Variants in ZNF385D observed in about 807,000 individuals in gnomAD.
ZNF385D encodes the protein zinc finger protein 385D.
ZNF385D carries 15 observed loss-of-function variants against 35.8 expected under a neutral mutation model. That is an observed-to-expected ratio of 0.42 (90% CI 0.28 to 0.64). ZNF385D has a LOEUF of 0.64. ZNF385D is among the 30% of genes least tolerant of loss of function. The pLI, the probability that ZNF385D is intolerant of heterozygous loss-of-function variation, is 0.23. For synonymous variants in ZNF385D, 212 were observed against 186.8 expected (o/e 1.13, Z -1.10); for missense variants, 474 against 494.6 (o/e 0.96, Z 0.39).
chr3:22,353,107 T>G (rs900006534), intron 2 of ZNF385D, among the ~76,000 whole-genome samples: 3 of 152,204 alleles, frequency 2.0e-5, no homozygotes, highest in Non-Finnish European at 4.4e-5. Context: ...AAGCTGCGTT[T>G]GTTACATCCT....
chr3:21,836,112 T>G (rs2670281), intron 3 of ZNF385D, among the ~76,000 whole-genome samples: 135,530 of 151,992 alleles, frequency 0.89, 60,675 homozygotes, highest in African/African-American at 0.96. Context: ...TTGCAGATTA[T>G]GGAAGCAAAT....
At chr3:21,750,421 C>A (rs1299638264) in intron 1 of ZNF385D, among the ~76,000 whole-genome samples, 1 of 152,212 alleles carries the variant, frequency 6.6e-6, no homozygotes, top group African/African-American at 2.4e-5. Context: ...AGCTGCTCAA[C>A]CACACTGCTC....
intron 3 of ZNF385D, among the ~76,000 whole-genome samples, chr3:21,760,952 T>C (rs1480536702): frequency 1.3e-5 from 2 of 152,196 alleles, no homozygotes; most frequent in Middle Eastern, 3.2e-3. Context: ...CAGTAGAACA[T>C]TATGAAATGA....
intron 4 of ZNF385D, among the ~76,000 whole-genome samples, chr3:21,442,782 G>C (rs1701927460): frequency 6.6e-6 from 1 of 151,958 alleles, no homozygotes; most frequent in African/African-American, 2.4e-5. Context: ...CCAAAGGCCA[G>C]AGTACAGAGG....
At chr3:22,372,088 C>G (rs1300361543) in intron 2 of ZNF385D, among the ~76,000 whole-genome samples, 1 of 152,092 alleles carries the variant, frequency 6.6e-6, no homozygotes, top group Non-Finnish European at 1.5e-5. Flanking sequence ...GTGGCCCAGC[C>G]CTCGACTCTG....
intron 3 of ZNF385D, among the ~76,000 whole-genome samples, chr3:22,131,994 C>G (rs971868939): frequency 6.6e-6 from 1 of 152,126 alleles, no homozygotes; most frequent in Non-Finnish European, 1.5e-5. Context: ...TGTAGGGGTG[C>G]AGGCCTGAAG....
At chr3:22,147,057 A>G (rs557754697) in intron 3 of ZNF385D, among the ~76,000 whole-genome samples, 81 of 152,336 alleles carry the variant, frequency 5.3e-4, no homozygotes, top group Non-Finnish European at 9.6e-4. Flanking sequence ...GAGTTACCCA[A>G]TTAAAGGTAT....
chr3:22,119,325 G>A lies in ZNF385D; in HGVS notation c.325+49492C>T, dbSNP rs370582876. 6.6e-5 allele frequency among the ~76,000 whole-genome samples: 10 copies of A among 152,258 alleles called. No homozygotes were observed. In the East Asian group the frequency reaches 7.7e-4, roughly 12 times the overall value. On this transcript the variant is annotated intron_variant, in intron 3 of 5. Transcript: ENST00000494108. ...AAATACAAGGCATTGACTTATGTCC[G>A]AGGCCAAATCTGTAAAATCATATCT...
intron 2 of ZNF385D, among the ~76,000 whole-genome samples, chr3:22,297,345 T>C (rs1379917514): frequency 1.3e-5 from 2 of 152,112 alleles, no homozygotes; most frequent in African/African-American, 4.8e-5. Flanking sequence ...AAGCTATCTT[T>C]TGGCCAGACC....
intron 3 of ZNF385D, among the ~76,000 whole-genome samples, chr3:21,791,795 C>A (rs918237947): frequency 6.6e-6 from 1 of 152,138 alleles, no homozygotes; most frequent in Admixed American, 6.5e-5. Flanking sequence ...AGTGTAGTGG[C>A]GCGATCTCGG....
chr3:22,095,043 G>A (rs1576310023), intron 3 of ZNF385D, among the ~76,000 whole-genome samples: 1 of 150,890 alleles, frequency 6.6e-6, no homozygotes, highest in South Asian at 2.1e-4. Context: ...CAACAGTTAG[G>A]ACTACAGACA....
intron 3 of ZNF385D, among the ~76,000 whole-genome samples, chr3:21,949,647 G>T (rs1469102169): frequency 6.7e-6 from 1 of 149,376 alleles, no homozygotes; most frequent in East Asian, 2.0e-4. Context: ...ACTGTGGTTT[G>T]CTGCACCCAT....
At chr3:22,142,162 T>C (rs1351850230) in intron 3 of ZNF385D, among the ~76,000 whole-genome samples, 1 of 152,216 alleles carries the variant, frequency 6.6e-6, no homozygotes, top group Non-Finnish European at 1.5e-5. Flanking sequence ...CACAGTATTA[T>C]TGGGTGTTGT....
At chr3:22,049,332 T>TAAAATA (rs367987643) in intron 3 of ZNF385D, among the ~76,000 whole-genome samples, 4 of 149,722 alleles carry the variant, frequency 2.7e-5, no homozygotes, top group African/African-American at 9.8e-5. Context: ...TAAAATAAAA[T>TAAAATA]AAATAAAAAA....
chr3:22,318,214 A>G (rs1704007613), intron 2 of ZNF385D, among the ~76,000 whole-genome samples: 1 of 152,140 alleles, frequency 6.6e-6, no homozygotes, highest in Non-Finnish European at 1.5e-5. Context: ...GCTAGGGGCA[A>G]ATGGAAGCAA....
intron 2 of ZNF385D, among the ~76,000 whole-genome samples, chr3:21,567,594 G>C (rs749576837): frequency 6.6e-5 from 10 of 152,162 alleles, no homozygotes; most frequent in Non-Finnish European, 1.2e-4. Context: ...AGCAGAAAGA[G>C]GTCATTGACT....
chr3:21,953,969 T>C (rs866654933), intron 3 of ZNF385D, among the ~76,000 whole-genome samples: 2 of 152,112 alleles, frequency 1.3e-5, no homozygotes, highest in African/African-American at 2.4e-5. Flanking sequence ...ATTTATAAAA[T>C]CGTGGATAAA....
intron 2 of ZNF385D, among the ~76,000 whole-genome samples, chr3:22,244,364 T>TAAAAAAAAAAA (rs34497539): frequency 4.8e-5 from 3 of 62,558 alleles, no homozygotes; most frequent in African/African-American, 1.0e-4. Context: ...CAACCGAATG[T>TAAAAAAAAAAA]AAAAAAAAAA....
intron 2 of ZNF385D, among the ~76,000 whole-genome samples, chr3:22,220,469 T>A (rs1196248373): frequency 6.6e-6 from 1 of 152,166 alleles, no homozygotes; most frequent in Non-Finnish European, 1.5e-5. Flanking sequence ...ATATCACAGC[T>A]CGGTTTAAAA....
Sources: gnomAD v4.1 joint callset for allele counts (sites outside exome capture counted in the v4.1 genomes callset) on GRCh38, gnomAD v4.1.1 for gene constraint, MANE v1.5 for transcripts, NCBI Gene and HGNC (gene_info 2026-07-23, HGNC 2026-07-21) for gene names.